ZNF611: variants seen among roughly 807,000 people sequenced by gnomAD.
ZNF611 encodes the protein zinc finger protein 611.
A neutral mutation model predicts 8.9 loss-of-function variants in ZNF611; 6 were observed. The ratio of observed to expected loss-of-function variants is 0.68; its 90% CI spans 0.37 to 1.34. ZNF611 has a LOEUF of 1.34. ZNF611 is among the 40% of genes most tolerant of loss of function. The pLI, the probability that ZNF611 is intolerant of heterozygous loss-of-function variation, is 0.02. For synonymous variants in ZNF611, 262 were observed against 279.7 expected (o/e 0.94, Z 0.63); for missense variants, 874 against 841.3 (o/e 1.04, Z -0.48).
intron 3 of ZNF611, among the ~76,000 whole-genome samples, chr19:52,724,879 C>T (rs1055734036): frequency 2.6e-5 from 4 of 152,112 alleles, no homozygotes; most frequent in African/African-American, 4.8e-5. Context: ...ACATCTAGCT[C>T]TTCTCTACAT....
rs181588266 is a variant in ZNF611, at chr19:52,727,468, A to G, written c.-20+1262T>C. 5.2e-3 allele frequency among the ~76,000 whole-genome samples: 792 copies of G among 152,308 alleles called. 8 individuals are homozygous for G. Among genetic ancestry groups the G allele is most frequent in the African/African-American group, 0.018 (757 of 41,566 alleles). ...AAAAGCCCTTGGTCACACATAGTTC[A>G]TCCTGGCTCTACTTGGTAATGGAGG... On this transcript the variant is annotated intron_variant, in intron 3 of 5. Coordinates refer to ENST00000652185, the MANE Select transcript of ZNF611 (RefSeq NM_001161499.2).
At chr19:52,725,664 A>G (rs1568608457) in intron 3 of ZNF611, among the ~76,000 whole-genome samples, 1 of 152,172 alleles carries the variant, frequency 6.6e-6, no homozygotes, top group Non-Finnish European at 1.5e-5. Flanking sequence ...CGTCCCAGGG[A>G]CAGAAGTGCC....
At chr19:52,725,559 C>T (rs1174170941) in intron 3 of ZNF611, among the ~76,000 whole-genome samples, 1 of 152,164 alleles carries the variant, frequency 6.6e-6, no homozygotes, top group Admixed American at 6.5e-5. Context: ...CGACTTCAAA[C>T]CCAAAAGGAA....
In ZNF611 at chr19:52,721,942, G is replaced by A. The variant is rs78724136; in HGVS notation, c.-19-6029C>T. On this transcript the variant is annotated intron_variant, in intron 3 of 5. Transcript: ENST00000652185. The stretch of plus-strand genomic sequence containing the variant: ...CCATGCCTGTAATCCCAGCTACTCA[G>A]GGGGTAGTATCGCAGGAGAATCGCT... 8.0e-3 allele frequency among the ~76,000 whole-genome samples: 1,216 copies of A among 152,206 alleles called. 5 individuals are homozygous for A. The highest frequency in any genetic ancestry group is 0.014 in the Non-Finnish European group (968 of 67,998).
chr19:52,725,259 C>G (rs1361651039), intron 3 of ZNF611, among the ~76,000 whole-genome samples: 1 of 152,114 alleles, frequency 6.6e-6, no homozygotes. Flanking sequence ...GGGCCCGGCA[C>G]GAGGAGGGAC....
intron 1 of ZNF611, among the ~76,000 whole-genome samples, chr19:52,732,671 C>T (rs544429627): frequency 1.9e-4 from 29 of 151,742 alleles, no homozygotes; most frequent in Non-Finnish European, 3.2e-4. Context: ...GGTGGCTCCT[C>T]CCTGTAATCC....
At chr19:52,732,813 GC>G (rs2062434489) in intron 1 of ZNF611, among the ~76,000 whole-genome samples, 1 of 151,676 alleles carries the variant, frequency 6.6e-6, no homozygotes, top group Admixed American at 6.6e-5. Context: ...AACTAGCCGG[GC>G]TTGGTGGCTC....
At chr19:52,727,527 G>A (rs769845529) in intron 3 of ZNF611, among the ~76,000 whole-genome samples, 54 of 152,164 alleles carry the variant, frequency 3.5e-4, no homozygotes, top group Non-Finnish European at 5.7e-4. Context: ...GCTTCATCCC[G>A]AGGCAGGGGG....
Position 52,705,347 on chromosome 19 carries a change from C to G in ZNF611, c.1708G>C (p.Glu570Gln). 1 of 1,614,158 alleles carries G rather than the reference C, an allele frequency of 6.2e-7. No homozygotes were observed. Among genetic ancestry groups the G allele is most frequent in the Non-Finnish European group, 8.5e-7 (1 of 1,180,032 alleles). Residue 570 changes from glutamate (E) to glutamine (Q), a missense_variant, in exon 6 of 6, where the codon GAG becomes CAG. Glu to Gln is a conservative substitution (Grantham distance 29). Transcript: ENST00000652185. ...HSGEKPYKCN[E>Q]CSKTFSHRSY... is the part of the protein sequence containing the mutation. ...CTGTGACTGAAGGTCTTGCTGCACT[C>G]ATTACACTTGTAAGGTTTCTCTCCA...
At position 52,704,145 on chromosome 19, in the gene ZNF611, A is replaced by T; in HGVS notation, c.*792T>A. On this transcript the variant is annotated 3_prime_UTR_variant, in exon 6 of 6. Transcript: ENST00000652185. ...CACCACACCTGGCCCCATCCTCTTA[A>T]CATAAACACTTGAATGTCAATAAAG... is the stretch of plus-strand genomic sequence containing the variant. The T allele has an allele frequency of 2.8e-6, 1 of 360,284 alleles. No individual in the cohort carries two copies. The highest frequency in any genetic ancestry group is 4.0e-5 in the Admixed American group (1 of 24,852). 22.3% of individuals were successfully genotyped at this position (360,284 alleles called of 1,614,324 possible). A position where few individuals can be genotyped will look rare whatever the true frequency, so the allele number is the denominator to read the frequency against.
At chr19:52,711,726 T>C (rs1225246660) in intron 5 of ZNF611, among the ~76,000 whole-genome samples, 1 of 152,168 alleles carries the variant, frequency 6.6e-6, no homozygotes, top group Non-Finnish European at 1.5e-5. Flanking sequence ...TCCTATAATT[T>C]TGTCCAGTGG....
intron 5 of ZNF611, among the ~76,000 whole-genome samples, chr19:52,712,599 C>A (rs1336504034): frequency 6.7e-6 from 1 of 150,242 alleles, no homozygotes; most frequent in Non-Finnish European, 1.5e-5. Context: ...GATTGCACCA[C>A]TGCACTCCAG....
rs763951099 is a variant in ZNF611 at position 52,704,918 on chromosome 19, T to C, written c.*19A>G. The C allele has an allele frequency of 8.1e-6, 13 of 1,612,942 alleles. No homozygotes were observed. The highest frequency in any genetic ancestry group is 2.2e-5 in the East Asian group (1 of 44,884). On this transcript the variant is annotated 3_prime_UTR_variant, in exon 6 of 6. Coordinates refer to ENST00000652185, the MANE Select transcript of ZNF611 (RefSeq NM_001161499.2). ...AGGTGTGATTTCCAAATGGAAACTTTGTCACATGCTTCACATTTCTAAGGT... is the reference window on the plus strand; with the variant it reads ...AGGTGTGATTTCCAAATGGAAACTTCGTCACATGCTTCACATTTCTAAGGT...
intron 1 of ZNF611, among the ~76,000 whole-genome samples, chr19:52,734,234 A>C (rs1286542673): frequency 9.7e-5 from 13 of 134,260 alleles, no homozygotes; most frequent in African/African-American, 1.4e-4. Context: ...CATATCCCTC[A>C]CCAATCCTCT....
At chr19:52,720,382 G>A (rs183154218) in intron 3 of ZNF611, among the ~76,000 whole-genome samples, 4,040 of 148,336 alleles carry the variant, frequency 0.027, 228 homozygotes, top group African/African-American at 0.098. Flanking sequence ...GGGCAGAGGC[G>A]CTCCCCACTT....
intron 1 of ZNF611, among the ~76,000 whole-genome samples, chr19:52,731,745 T>C (rs62117388): frequency 0.081 from 11,946 of 147,434 alleles, 907 homozygotes; most frequent in African/African-American, 0.2. Context: ...CCGAGGCAGG[T>C]GGATCACCTC....
At position 52,705,851 on chromosome 19, in the gene ZNF611, C is replaced by T. The variant is rs1223464425; in HGVS notation, c.1204G>A (p.Val402Ile). Residue 402 changes from valine to isoleucine, a missense_variant, in exon 6 of 6, where the codon GTT (valine) becomes ATT (isoleucine). Val to Ile is a conservative substitution (Grantham distance 29). Coordinates refer to ENST00000652185, the MANE Select transcript of ZNF611 (RefSeq NM_001161499.2). ...HTGEKPYRCK[V>I]CDTAFTWHSQ... ...TGCCACGTGAAAGCTGTGTCACAAA[C>T]CTTACATCTGTATGGTTTCTCTCCA... 1.2e-6 allele frequency: 2 copies of T among 1,614,060 alleles called. No individual in the cohort carries two copies. The highest frequency in any genetic ancestry group is 8.5e-7 in the Non-Finnish European group (1 of 1,180,018).
At chr19:52,715,348 G>A (rs569891452) in intron 4 of ZNF611, among the ~76,000 whole-genome samples, 122 of 151,952 alleles carry the variant, frequency 8.0e-4, no homozygotes, top group African/African-American at 2.8e-3. Flanking sequence ...CCCAATACTG[G>A]GGAGGCTGAG....
At position 52,729,955 on chromosome 19, in the gene ZNF611, A is replaced by C. The variant is rs1229144316; in HGVS notation, c.-171T>G. The C allele has an allele frequency of 2.0e-5, 3 of 152,232 alleles. No individual in the cohort carries two copies. Among genetic ancestry groups the C allele is most frequent in the Non-Finnish European group, 4.4e-5 (3 of 68,042 alleles). The allele number at this position is 152,232 out of a possible 1,614,324, so 9.4% of individuals were successfully genotyped here. On this transcript the variant is annotated 5_prime_UTR_variant, in exon 2 of 6. Transcript: ENST00000652185. The stretch of plus-strand genomic sequence containing the variant: ...GTCACAGGTACAGCTGCATATCACC[A>C]GGCAATACAGCAATTTTGTATATAT...
Sources: allele counts gnomAD v4.1 joint callset (sites outside exome capture counted in the v4.1 genomes callset), GRCh38; gene constraint gnomAD v4.1.1; transcripts MANE v1.5; gene names NCBI Gene and HGNC (gene_info 2026-07-23, HGNC 2026-07-21).